The following NCKAP5 variants were observed in gnomAD, a reference collection of about 807,000 sequenced individuals.
The protein encoded by NCKAP5 is nck-associated protein 5.
In NCKAP5, 92 loss-of-function variants were observed where a neutral mutation model predicts 167.0. The observed-to-expected ratio is 0.55, with a 90% CI of 0.47 to 0.66. The LOEUF is 0.66. NCKAP5 is among the 30% of genes least tolerant of loss of function. The pLI is 0.00. For synonymous variants in NCKAP5, 891 were observed against 877.4 expected, an observed-to-expected ratio of 1.02 and a Z score of -0.27; for missense variants, 2,378 against 2,315.0, an observed-to-expected ratio of 1.03 and a Z score of -0.56.
chr2:133,221,314 T>C (rs963053530), intron 4 of NCKAP5, among the ~76,000 whole-genome samples: 1 of 152,236 alleles, frequency 6.6e-6, no homozygotes, highest in Non-Finnish European at 1.5e-5. Flanking sequence ...TCTAGGTTCA[T>C]GTTAGTTTTG....
chr2:132,705,757 G>A (rs904844509), intron 19 of NCKAP5, among the ~76,000 whole-genome samples: 11 of 152,196 alleles, frequency 7.2e-5, no homozygotes, highest in African/African-American at 2.7e-4. Context: ...TAGGGATTGT[G>A]ACAGCTAGAA....
chr2:133,504,273 C>A (rs910321064), intron 3 of NCKAP5, among the ~76,000 whole-genome samples: 1 of 32,384 alleles, frequency 3.1e-5, no homozygotes, highest in Admixed American at 2.9e-4. Context: ...GGGTTTACAC[C>A]AATAGAATCT....
chr2:133,654,679 C>T, the NCKAP5 span, among the ~76,000 whole-genome samples: 2 of 152,262 alleles, frequency 1.3e-5, no homozygotes, highest in East Asian at 1.9e-4. Context: ...TCTAGCACCT[C>T]GCACAATACC....
intron 7 of NCKAP5, among the ~76,000 whole-genome samples, chr2:132,988,325 G>C (rs2077349591): frequency 6.6e-6 from 1 of 152,010 alleles, no homozygotes; most frequent in Non-Finnish European, 1.5e-5. Flanking sequence ...AACCAAGCGT[G>C]GTGGCACACG....
At chr2:133,573,640 A>T in the NCKAP5 span, among the ~76,000 whole-genome samples, 1 of 152,196 alleles carries the variant, frequency 6.6e-6, no homozygotes, top group African/African-American at 2.4e-5. Context: ...CTATGTAAGG[A>T]TAAAGTATCA....
At chr2:133,522,565 A>G (rs896400002) in intron 2 of NCKAP5, among the ~76,000 whole-genome samples, 1 of 152,226 alleles carries the variant, frequency 6.6e-6, no homozygotes, top group Non-Finnish European at 1.5e-5. Flanking sequence ...TAGGTAGTAT[A>G]ACACCTAATG....
At chr2:133,235,252 G>A (rs1406441833) in intron 4 of NCKAP5, among the ~76,000 whole-genome samples, 2 of 152,096 alleles carry the variant, frequency 1.3e-5, no homozygotes, top group Admixed American at 6.5e-5. Flanking sequence ...CTTGCACAGA[G>A]CAGTGAAAGT....
At chr2:132,788,987 A>C (rs1574222667) in intron 13 of NCKAP5, among the ~76,000 whole-genome samples, 1 of 152,182 alleles carries the variant, frequency 6.6e-6, no homozygotes, top group Admixed American at 6.5e-5. Flanking sequence ...CTGGTACTCC[A>C]TGACCATGAC....
intron 8 of NCKAP5, among the ~76,000 whole-genome samples, chr2:132,937,655 G>C (rs1326598719): frequency 6.6e-6 from 1 of 152,200 alleles, no homozygotes; most frequent in East Asian, 1.9e-4. Context: ...GACAACTGAA[G>C]TTTGGGGAGA....
intron 19 of NCKAP5, among the ~76,000 whole-genome samples, chr2:132,712,257 C>T (rs1688918841): frequency 1.3e-5 from 2 of 152,202 alleles, no homozygotes; most frequent in Admixed American, 6.5e-5. Context: ...CAGAGAAATC[C>T]TCTTCCCCTT....
chr2:133,396,898 T>C (rs1279266780), intron 3 of NCKAP5, among the ~76,000 whole-genome samples: 2 of 152,196 alleles, frequency 1.3e-5, no homozygotes, highest in African/African-American at 4.8e-5. Flanking sequence ...CAGACTTCAA[T>C]TGAAATTCAG....
chr2:132,788,434 A>T (rs1673990581), intron 13 of NCKAP5, among the ~76,000 whole-genome samples: 1 of 152,160 alleles, frequency 6.6e-6, no homozygotes. Flanking sequence ...AGTATAAAAG[A>T]ACAATTAAGA....
intron 19 of NCKAP5, among the ~76,000 whole-genome samples, chr2:132,703,644 G>A (rs1488171376): frequency 6.6e-6 from 1 of 152,140 alleles, no homozygotes; most frequent in Admixed American, 6.5e-5. Flanking sequence ...GTGCACAGAG[G>A]AGAGCATTGA....
intron 5 of NCKAP5, among the ~76,000 whole-genome samples, chr2:133,138,180 G>A (rs563879302): frequency 1.3e-5 from 2 of 152,106 alleles, no homozygotes; most frequent in East Asian, 3.9e-4. Context: ...AAAAGAAGGG[G>A]GGGTACTATG....
intron 12 of NCKAP5, among the ~76,000 whole-genome samples, chr2:132,795,586 C>T (rs531946569): frequency 1.3e-5 from 2 of 151,954 alleles, no homozygotes; most frequent in African/African-American, 2.4e-5. Context: ...TTTGGGAGGC[C>T]GAGGCAGGCA....
intron 6 of NCKAP5, among the ~76,000 whole-genome samples, chr2:133,093,291 T>C (rs2081247769): frequency 6.6e-6 from 1 of 152,224 alleles, no homozygotes; most frequent in Non-Finnish European, 1.5e-5. Flanking sequence ...TTATTCCATG[T>C]AGTGAAGATC....
At chr2:133,373,155 G>A (rs1685910213) in intron 3 of NCKAP5, among the ~76,000 whole-genome samples, 1 of 152,170 alleles carries the variant, frequency 6.6e-6, no homozygotes, top group Non-Finnish European at 1.5e-5. Flanking sequence ...TGCCTACCGG[G>A]TTCAAGCAAG....
At chr2:133,272,051 A>G (rs1401129102) in intron 4 of NCKAP5, among the ~76,000 whole-genome samples, 1 of 152,072 alleles carries the variant, frequency 6.6e-6, no homozygotes, top group Admixed American at 6.5e-5. Context: ...ATACTTATAA[A>G]AATCCATGCT....
chr2:133,577,654 C>T, the NCKAP5 span, among the ~76,000 whole-genome samples: 4 of 152,128 alleles, frequency 2.6e-5, no homozygotes, highest in Non-Finnish European at 5.9e-5. Flanking sequence ...TCTCCTAATG[C>T]TATCCCTCCC....
Sources: allele counts gnomAD v4.1 joint callset (sites outside exome capture counted in the v4.1 genomes callset), GRCh38; gene constraint gnomAD v4.1.1; transcripts MANE v1.5; gene names NCBI Gene and HGNC (gene_info 2026-07-23, HGNC 2026-07-21).